TLN2: variants seen among roughly 807,000 people sequenced by gnomAD.
TLN2 encodes talin-2.
Under a neutral mutation model 294.7 loss-of-function variants are expected in TLN2, and 118 were observed. The observed-to-expected ratio is 0.40, with a 90% confidence interval of 0.34 to 0.47. The LOEUF (loss-of-function observed/expected upper bound fraction) is 0.47. TLN2 is among the 20% of genes least tolerant of loss of function. The pLI is 0.84. For synonymous variants in TLN2, 1,431 were observed against 1,304.5 expected (o/e 1.10, Z -2.09); for missense variants, 3,083 against 3,282.2 (o/e 0.94, Z 1.48).
At chr15:62,585,406 C>A (rs1357861184) in intron 1 of TLN2, among the ~76,000 whole-genome samples, 1 of 152,148 alleles carries the variant, frequency 6.6e-6, no homozygotes, top group East Asian at 1.9e-4. Flanking sequence ...TCACAACAGT[C>A]AAAATAGCTA....
At chr15:62,653,746 A>AT (rs1555458282) in intron 7 of TLN2, among the ~76,000 whole-genome samples, 6 of 32,152 alleles carry the variant, frequency 1.9e-4, no homozygotes, top group Admixed American at 1.3e-3. Flanking sequence ...ATAAATAAAA[A>AT]TTAAAAAAAA....
chr15:62,702,780 T>C lies in TLN2; in HGVS notation c.1920T>C (p.Val640=), dbSNP rs993932666. ...TTTGTTCACAGCCTCGACAGACAGT[T>C]TTGACTGCTGCTGGCAGCATCGGAC... ...QPTSGEPRQT[V]LTAAGSIGQA... The change falls in exon 19 of 59, where the codon GTT becomes GTC. Residue 640 remains valine (V), a synonymous_variant. Coordinates refer to ENST00000636159, the MANE Select transcript of TLN2 (RefSeq NM_015059.3). The C allele has an allele frequency of 6.2e-7, 1 of 1,614,196 alleles. No individual in the cohort carries two copies. Among genetic ancestry groups the C allele is most frequent in the Admixed American group, 1.7e-5 (1 of 60,032 alleles).
chr15:62,501,823 T>G (rs2039324893), intron 1 of TLN2, among the ~76,000 whole-genome samples: 2 of 152,232 alleles, frequency 1.3e-5, no homozygotes, highest in African/African-American at 2.4e-5. Flanking sequence ...AAGTATCTAT[T>G]TTGAATAATC....
Position 62,529,102 on chromosome 15 carries a change from T to G in TLN2, c.-237-60585T>G, listed in dbSNP as rs531549680. On this transcript the variant is annotated intron_variant, in intron 1 of 58. Coordinates refer to ENST00000636159, the MANE Select transcript of TLN2 (RefSeq NM_015059.3). ...AAGTAACATTTACAGGGCTTTTTTT[T>G]TTTGTGTGTGTGTGACAGCTTTGCT... Among the ~76,000 whole-genome samples, 144 of 144,870 alleles carry G rather than the reference T, an allele frequency of 9.9e-4. 3 individuals carry two copies. In the East Asian group the frequency reaches 0.022, roughly 22 times the overall value.
intron 50 of TLN2, among the ~76,000 whole-genome samples, chr15:62,803,352 A>T (rs756881781): frequency 6.6e-6 from 1 of 152,168 alleles, no homozygotes; most frequent in African/African-American, 2.4e-5. Context: ...GTACTTGGAT[A>T]TTGATAGCTT....
intron 46 of TLN2, among the ~76,000 whole-genome samples, chr15:62,795,537 A>G (rs2065414694): frequency 6.6e-6 from 1 of 152,052 alleles, no homozygotes; most frequent in African/African-American, 2.4e-5. Flanking sequence ...GGGGTGGATG[A>G]TGGCTTGCAG....
At chr15:62,617,969 T>G (rs958313057) in intron 2 of TLN2, among the ~76,000 whole-genome samples, 1 of 148,874 alleles carries the variant, frequency 6.7e-6, no homozygotes, top group Non-Finnish European at 1.5e-5. Context: ...ATTCTTTTTT[T>G]TTTTTTTTTT....
intron 52 of TLN2, among the ~76,000 whole-genome samples, chr15:62,814,958 A>T (rs2066981605): frequency 6.6e-6 from 1 of 152,214 alleles, no homozygotes; most frequent in Admixed American, 6.5e-5. Flanking sequence ...AATGAGGAAA[A>T]TGAGAATGCC....
At chr15:62,535,348 C>T (rs2041277213) in intron 1 of TLN2, among the ~76,000 whole-genome samples, 1 of 151,912 alleles carries the variant, frequency 6.6e-6, no homozygotes, top group African/African-American at 2.4e-5. Context: ...TTAAAACCTC[C>T]CTAGGTGATC....
intron 36 of TLN2, 164 bp downstream of exon 36, chr15:62,754,080 C>A: frequency 3.1e-6 from 3 of 976,252 alleles, no homozygotes; most frequent in Non-Finnish European, 4.1e-6. Context: ...GCAAATATTG[C>A]AAAATATGAT....
intron 8 of TLN2, 64 bp from the exon 9 acceptor site, chr15:62,657,707 G>A (rs925729457): frequency 2.0e-5 from 32 of 1,571,906 alleles, no homozygotes; most frequent in African/African-American, 1.1e-4. Flanking sequence ...ATGGGAATGC[G>A]TCAGTGGAGA....
At chr15:62,749,426 C>T (rs941621943) in intron 33 of TLN2, among the ~76,000 whole-genome samples, 4 of 152,210 alleles carry the variant, frequency 2.6e-5, no homozygotes, top group African/African-American at 9.6e-5. Flanking sequence ...GCCTAGGTGC[C>T]AGTACTCCGT....
chr15:62,573,307 A>T (rs1267637451), intron 1 of TLN2, among the ~76,000 whole-genome samples: 18 of 151,600 alleles, frequency 1.2e-4, no homozygotes, highest in Admixed American at 1.2e-3. Context: ...CCACTGAGAG[A>T]CCTGAGCCCT....
chr15:62,755,483 C>T (rs1372874395), intron 36 of TLN2, 49 bp from the exon 37 acceptor site: 1 of 1,598,064 alleles, frequency 6.3e-7, no homozygotes, highest in Non-Finnish European at 8.5e-7. Context: ...GGGTGGACCC[C>T]TCTGCACTGT....
intron 9 of TLN2, among the ~76,000 whole-genome samples, chr15:62,661,476 G>A (rs986887883): frequency 6.6e-6 from 1 of 152,160 alleles, no homozygotes; most frequent in Admixed American, 6.5e-5. Flanking sequence ...CAAGCCAGTA[G>A]GGGTAGGAGG....
intron 32 of TLN2, among the ~76,000 whole-genome samples, chr15:62,743,415 A>G (rs949914808): frequency 6.6e-6 from 1 of 152,070 alleles, no homozygotes; most frequent in Non-Finnish European, 1.5e-5. Context: ...TTCTGGAGAA[A>G]AAAGTAGAGG....
chr15:62,702,637 C>G lies in TLN2; in HGVS notation c.1906-129C>G, dbSNP rs181958834. The G allele has an allele frequency of 1.5e-4, 124 of 842,840 alleles. No homozygotes were observed. In the East Asian group the frequency reaches 2.7e-3, roughly 18 times the overall value. 52.2% of individuals were successfully genotyped at this position (842,840 alleles called of 1,614,324 possible). Reference sequence around the variant, plus strand: ...ACCGGGATGTCTTCTATCTGGCAGACCACCTGAGATTCTCACTGTCAGACA... The same window carrying G: ...ACCGGGATGTCTTCTATCTGGCAGAGCACCTGAGATTCTCACTGTCAGACA... On this transcript the variant is annotated intron_variant, in intron 18 of 58. Transcript: ENST00000636159.
intron 43 of TLN2, among the ~76,000 whole-genome samples, chr15:62,777,680 G>T (rs1381735794): frequency 6.6e-6 from 1 of 152,240 alleles, no homozygotes; most frequent in South Asian, 2.1e-4. Flanking sequence ...ATTGCTCCTT[G>T]TGGTTCTGAT....
chr15:62,753,781 C>T lies in TLN2; in HGVS notation c.4341C>T (p.Tyr1447=). ...GLTEAAAQAA[Y]LVGISDPNSQ... Reference sequence around the variant, plus strand: ...TTCTCTTCCCTTTCTAGGCTGCATACTTGGTTGGCATCTCTGATCCAAACA... The same window carrying T: ...TTCTCTTCCCTTTCTAGGCTGCATATTTGGTTGGCATCTCTGATCCAAACA... Residue 1447 remains tyrosine (Y), a synonymous_variant, in exon 36 of 59, where the codon TAC becomes TAT. Coordinates refer to ENST00000636159, the MANE Select transcript of TLN2 (RefSeq NM_015059.3). 1 of 1,608,372 alleles carries T rather than the reference C, an allele frequency of 6.2e-7. No homozygotes were observed. The highest frequency in any genetic ancestry group is 1.1e-5 in the South Asian group (1 of 89,854).
Sources: allele counts gnomAD v4.1 joint callset (sites outside exome capture counted in the v4.1 genomes callset), GRCh38; gene constraint gnomAD v4.1.1; transcripts MANE v1.5; gene names NCBI Gene and HGNC (gene_info 2026-07-23, HGNC 2026-07-21).